WDFY3: variants seen among roughly 807,000 people sequenced by gnomAD.
The protein encoded by WDFY3 is WD repeat and FYVE domain containing 3.
A neutral mutation model predicts 409.6 loss-of-function variants in WDFY3; 66 were observed. The ratio of observed to expected loss-of-function variants is 0.16; its 90% confidence interval spans 0.13 to 0.20. The LOEUF (loss-of-function observed/expected upper bound fraction) is 0.20. Among genes scored for constraint, WDFY3 ranks in the 10% least tolerant of loss-of-function variants. The probability of loss-of-function intolerance (pLI) is 1.00; values close to 1 mark genes in which losing one functional copy is unlikely to be tolerated. For synonymous variants in WDFY3, 1,521 were observed against 1,537.1 expected (o/e 0.99, Z 0.25); for missense variants, 3,031 against 4,298.1 (o/e 0.71, Z 8.24).
In WDFY3 at chr4:84,810,359, A is replaced by T. The variant is rs943897053; in HGVS notation, c.1888-15T>A. On this transcript the variant is annotated splice_polypyrimidine_tract_variant and intron_variant, in intron 13 of 67. Transcript: ENST00000295888. ...GACAGGAGGGCCTACAGGAGACAAA[A>T]GAAAAAACAAATGAAAATACACATA... 2 of 1,523,154 alleles carry T rather than the reference A, an allele frequency of 1.3e-6. No homozygotes were observed. The highest frequency in any genetic ancestry group is 1.8e-6 in the Non-Finnish European group (2 of 1,142,516). 94.4% of individuals were successfully genotyped at this position (1,523,154 alleles called of 1,614,324 possible). A position where few individuals can be genotyped will look rare whatever the true frequency, so the allele number is the denominator to read the frequency against.
chr4:84,902,165 T>C (rs1346432864), intron 2 of WDFY3, among the ~76,000 whole-genome samples: 1 of 152,196 alleles, frequency 6.6e-6, no homozygotes, highest in Non-Finnish European at 1.5e-5. Context: ...CTGTGCCACA[T>C]ATGTTTTTGC....
intron 21 of WDFY3, among the ~76,000 whole-genome samples, chr4:84,790,997 C>T (rs1377850456): frequency 3.3e-5 from 5 of 151,984 alleles, no homozygotes; most frequent in African/African-American, 1.2e-4. Context: ...GGAACCCTTG[C>T]GCACTGTTGG....
At chr4:84,913,455 G>C (rs577700850) in intron 2 of WDFY3, among the ~76,000 whole-genome samples, 3 of 152,208 alleles carry the variant, frequency 2.0e-5, no homozygotes, top group East Asian at 3.9e-4. Context: ...AAAGGTGAGG[G>C]GTGAAGGGTT....
chr4:84,782,888 C>T (rs2149493245), intron 25 of WDFY3, 75 bp downstream of exon 25: 2 of 1,358,436 alleles, frequency 1.5e-6, no homozygotes, highest in East Asian at 2.3e-5. Flanking sequence ...AAATACTGCC[C>T]CTTAAGTGAG....
At chr4:84,698,542 G>A (rs1400847496) in intron 56 of WDFY3, among the ~76,000 whole-genome samples, 1 of 152,188 alleles carries the variant, frequency 6.6e-6, no homozygotes, top group East Asian at 1.9e-4. Context: ...CAAAGTGCTT[G>A]AATTATAGGC....
Position 84,798,975 on chromosome 4 carries a change from A to G in WDFY3, c.2823-867T>C, listed in dbSNP as rs560937148. On this transcript the variant is annotated intron_variant, in intron 17 of 67. Coordinates refer to ENST00000295888, the MANE Select transcript of WDFY3 (RefSeq NM_014991.6). ...TGTACTCTCCAGCTTCACTGCTCCC[A>G]TCTTTCCCGCAATCATAAATTCTAC... Among the ~76,000 whole-genome samples the G allele has an allele frequency of 9.9e-5, 15 of 152,252 alleles. No individual in the cohort carries two copies. In the East Asian group the frequency reaches 2.9e-3, roughly 30 times the overall value.
At chr4:84,751,860 C>T (rs1740581292) in intron 35 of WDFY3, 144 bp from the exon 36 acceptor site, 1 of 831,180 alleles carries the variant, frequency 1.2e-6, no homozygotes, top group Non-Finnish European at 1.9e-6. Context: ...CTTTACTCGA[C>T]CCTTCCTTTC....
intron 5 of WDFY3, among the ~76,000 whole-genome samples, chr4:84,841,988 G>T (rs1336889421): frequency 1.3e-5 from 2 of 152,164 alleles, no homozygotes; most frequent in Admixed American, 1.3e-4. Context: ...TAGGAAGAGA[G>T]AAACGTGAAA....
chr4:84,767,383 C>A (rs1217593044), intron 30 of WDFY3, among the ~76,000 whole-genome samples: 1 of 151,942 alleles, frequency 6.6e-6, no homozygotes, highest in African/African-American at 2.4e-5. Flanking sequence ...ACAATAATAT[C>A]GAAATTAGAC....
intron 2 of WDFY3, among the ~76,000 whole-genome samples, chr4:84,925,774 G>A (rs1255855043): frequency 6.6e-6 from 1 of 152,000 alleles, no homozygotes; most frequent in East Asian, 1.9e-4. Flanking sequence ...GTTTTTAAGA[G>A]TGAAATGTCA....
chr4:84,818,845 T>C (rs1057283716), intron 12 of WDFY3, among the ~76,000 whole-genome samples: 2 of 152,160 alleles, frequency 1.3e-5, no homozygotes, highest in Non-Finnish European at 2.9e-5. Flanking sequence ...CTTTGGGATA[T>C]GTACTAAGTG....
intron 13 of WDFY3, among the ~76,000 whole-genome samples, chr4:84,811,128 G>A (rs1752423157): frequency 6.6e-6 from 1 of 152,084 alleles, no homozygotes; most frequent in Middle Eastern, 3.2e-3. Flanking sequence ...CTCCTGAGTA[G>A]CTGGGATTAC....
intron 30 of WDFY3, among the ~76,000 whole-genome samples, chr4:84,766,606 G>A (rs550585076): frequency 6.6e-6 from 1 of 152,344 alleles, no homozygotes; most frequent in East Asian, 1.9e-4. Context: ...AAGGCTGTGA[G>A]ATATTTTTTA....
intron 5 of WDFY3, among the ~76,000 whole-genome samples, chr4:84,843,287 T>A (rs570514517): frequency 1.3e-5 from 2 of 152,322 alleles, no homozygotes; most frequent in Admixed American, 1.3e-4. Flanking sequence ...AACAAATATA[T>A]TTTACTATTT....
At position 84,801,991 on chromosome 4, in the gene WDFY3, A is replaced by G. The variant is rs551963541; in HGVS notation, c.2608-127T>C. ...AGACGGAGTTTCGCTCTTGTTGTCC[A>G]GGCTGGAGTGCAATGGTGTGATCTC... On this transcript the variant is annotated intron_variant, in intron 16 of 67. Coordinates refer to ENST00000295888, the MANE Select transcript of WDFY3 (RefSeq NM_014991.6). 27 of 884,762 alleles carry G rather than the reference A, an allele frequency of 3.1e-5. No individual in the cohort carries two copies. The African/African-American group carries it at 3.7e-4, about 12-fold the overall frequency. 54.8% of individuals were successfully genotyped at this position (884,762 alleles called of 1,614,324 possible). A position where few individuals can be genotyped will look rare whatever the true frequency, so the allele number is the denominator to read the frequency against.
At chr4:84,818,577 A>AGATCAT (rs912652993) in intron 12 of WDFY3, among the ~76,000 whole-genome samples, 1 of 152,124 alleles carries the variant, frequency 6.6e-6, no homozygotes, top group African/African-American at 2.4e-5. Flanking sequence ...AAAAATTATA[A>AGATCAT]GATCATGAAG....
At chr4:84,905,523 CTT>C (rs1443079479) in intron 2 of WDFY3, among the ~76,000 whole-genome samples, 1 of 152,126 alleles carries the variant, frequency 6.6e-6, no homozygotes, top group Admixed American at 6.6e-5. Flanking sequence ...CTCATCTATC[CTT>C]TTCTCTCCCA....
At position 84,882,132 on chromosome 4, in the gene WDFY3, A is replaced by G. The variant is rs556652422; in HGVS notation, c.-32+14779T>C. ...CTATCATCTCATATCCGCTCATCCC[A>G]AATTCACATATAATCCTCATCACCT... On this transcript the variant is annotated intron_variant, in intron 3 of 67. Transcript: ENST00000295888. Among the ~76,000 whole-genome samples the G allele has an allele frequency of 9.2e-5, 14 of 152,248 alleles. No individual in the cohort carries two copies. The South Asian group carries it at 2.9e-3, about 32-fold the overall frequency.
rs1560678240 is a variant in WDFY3 at position 84,756,951 on chromosome 4, C to T, written c.5399G>A (p.Ser1800Asn). 1 of 1,614,022 alleles carries T rather than the reference C, an allele frequency of 6.2e-7. No homozygotes were observed. Among genetic ancestry groups the T allele is most frequent in the Non-Finnish European group, 8.5e-7 (1 of 1,179,918 alleles). The change falls in exon 33 of 68, where the codon AGC (serine) becomes AAC (asparagine). Residue 1800 changes from serine to asparagine, a missense_variant. Ser to Asn is a conservative substitution (Grantham distance 46). Coordinates refer to ENST00000295888, the MANE Select transcript of WDFY3 (RefSeq NM_014991.6). Reference protein sequence around the residue: ...ENLQVSVPVISCRSKQGCQFD... With the variant: ...ENLQVSVPVINCRSKQGCQFD... ...CTGGCAACCCTGCTTACTCCGGCAG[C>T]TGATGACAGGCACACTGACCTGCAG...
Sources: gnomAD v4.1 joint callset for allele counts (sites outside exome capture counted in the v4.1 genomes callset) on GRCh38, gnomAD v4.1.1 for gene constraint, MANE v1.5 for transcripts, NCBI Gene and HGNC (gene_info 2026-07-23, HGNC 2026-07-21) for gene names.